The following PLA2G2E variants were observed in gnomAD, a reference collection of about 807,000 sequenced individuals.
PLA2G2E encodes the protein phospholipase A2 group IIE.
PLA2G2E carries 14 observed loss-of-function variants against 16.5 expected under a neutral mutation model. That is an observed-to-expected ratio of 0.85 (90% CI 0.56 to 1.33). The LOEUF (loss-of-function observed/expected upper bound fraction) is 1.33, where lower values mean the gene tolerates loss of function less well. Among genes scored for constraint, PLA2G2E ranks in the 40% most tolerant of loss-of-function variants. The probability of loss-of-function intolerance (pLI) is 0.00; values close to 1 mark genes in which losing one functional copy is unlikely to be tolerated. For synonymous variants in PLA2G2E, 72 were observed against 77.2 expected (o/e 0.93, Z 0.36); for missense variants, 174 against 190.7 (o/e 0.91, Z 0.52).
Position 19,920,737 on chromosome 1 carries a change from CCTAA to C in PLA2G2E, c.287-292_287-289del, listed in dbSNP as rs1006894000. ...CGGCCTTAGGGACACCACGTGGTTC[CCTAA>C]CTCTCACTGCCCCCGACCAGGGGGA... On this transcript the variant is annotated intron_variant, in intron 3 of 3. Coordinates refer to ENST00000375116, the MANE Select transcript of PLA2G2E (RefSeq NM_014589.3). The surrounding 1 kb of genome is among the most constrained non-coding windows in gnomAD (Gnocchi z 4.3). Among the ~76,000 whole-genome samples, 7 of 152,152 alleles carry C rather than the reference CCTAA, an allele frequency of 4.6e-5. No homozygotes were observed. Among genetic ancestry groups the C allele is most frequent in the Non-Finnish European group, 4.4e-5 (3 of 68,026 alleles).
rs1196721624 is a variant in PLA2G2E, at chr1:19,921,057, T to C, written c.287-608A>G. Reference sequence around the variant, plus strand: ...CTAGAGCCAGCTGGCATCAGCTCTGTAGGGGCCCAGAAGGCTCCTCCTGTC... The same window carrying C: ...CTAGAGCCAGCTGGCATCAGCTCTGCAGGGGCCCAGAAGGCTCCTCCTGTC... On this transcript the variant is annotated intron_variant, in intron 3 of 3. Coordinates refer to ENST00000375116, the MANE Select transcript of PLA2G2E (RefSeq NM_014589.3). Among the ~76,000 whole-genome samples the C allele has an allele frequency of 2.0e-5, 3 of 152,182 alleles. No homozygotes were observed. The East Asian group carries it at 5.8e-4, about 29-fold the overall frequency.
rs770433290 is a variant in PLA2G2E, at chr1:19,922,784, G to GGAGAGGGAGGGCCCCAC, written c.41-30_41-29insGTGGGGCCCTCCCTCTC. 29 of 1,611,138 alleles carry GGAGAGGGAGGGCCCCAC rather than the reference G, an allele frequency of 1.8e-5. No individual in the cohort carries two copies. In the African/African-American group the frequency reaches 2.5e-4, roughly 14 times the overall value. ...CAGAGAGGGAGAGGGAGAGGGAGAG[G>GGAGAGGGAGGGCCCCAC]GAGGGCCCCACCCTCTGCAGCCAAC... On this transcript the variant is annotated intron_variant, in intron 1 of 3. Transcript: ENST00000375116.
intron 1 of PLA2G2E, 44 bp downstream of exon 1, chr1:19,923,476 T>C: frequency 6.6e-7 from 1 of 1,518,642 alleles, no homozygotes; most frequent in Non-Finnish European, 8.9e-7. Context: ...GAGCTTGGGG[T>C]TGCCAGATGG....
chr1:19,920,292 A>T lies in PLA2G2E; in HGVS notation c.*15T>A. 2 of 1,601,726 alleles carry T rather than the reference A, an allele frequency of 1.2e-6. No homozygotes were observed. Among genetic ancestry groups the T allele is most frequent in the Non-Finnish European group, 1.7e-6 (2 of 1,172,786 alleles). ...GGCGGGACCTCCAGGGACGGGGGGG[A>T]GGCCGAGCATAGCCTCAGCAGGGCG... On this transcript the variant is annotated 3_prime_UTR_variant, in exon 4 of 4. Transcript: ENST00000375116. This position sits in a 1 kb window ranked among gnomAD's most constrained non-coding sequence, Gnocchi z 4.3.
At position 19,922,674 on chromosome 1, in the gene PLA2G2E, T is replaced by G. The variant is rs754163367; in HGVS notation, c.122A>C (p.Asp41Ala). The G allele has an allele frequency of 6.2e-7, 1 of 1,614,030 alleles. No individual in the cohort carries two copies. Among genetic ancestry groups the G allele is most frequent in the Non-Finnish European group, 8.5e-7 (1 of 1,179,982 alleles). ...MTGKSALQYNDYGCYCGIGGS... is the reference protein window; with the variant it reads ...MTGKSALQYNAYGCYCGIGGS... ...ACCGATGCCGCAGTAACAGCCATAG[T>G]CGTTGTACTGCAGGGCGGACTTGCC... The change falls in exon 2 of 4, where the codon GAC becomes GCC. Residue 41 changes from aspartate (D) to alanine (A), a missense_variant. Transcript: ENST00000375116.
chr1:19,920,350 T>C lies in PLA2G2E; in HGVS notation c.386A>G (p.His129Arg). 6.2e-7 allele frequency: 1 copy of C among 1,613,596 alleles called. No homozygotes were observed. Among genetic ancestry groups the C allele is most frequent in the Non-Finnish European group, 8.5e-7 (1 of 1,179,850 alleles). Residue 129 changes from histidine (H) to arginine (R), a missense_variant, in exon 4 of 4, where the codon CAT becomes CGT. Coordinates refer to ENST00000375116, the MANE Select transcript of PLA2G2E (RefSeq NM_014589.3). This position sits in a 1 kb window ranked among gnomAD's most constrained non-coding sequence, Gnocchi z 4.3. ...NLGTYNRKYA[H>R]YPNKLCTGPT... ...CCCGGTGCACAGCTTGTTGGGATAA[T>C]GGGCATATTTGCGGTTGTAGGTGCC...
intron 3 of PLA2G2E, among the ~76,000 whole-genome samples, chr1:19,921,869 T>A (rs911486603): frequency 5.3e-5 from 8 of 152,202 alleles, no homozygotes; most frequent in Non-Finnish European, 1.2e-4. Context: ...ACAGTCCCAT[T>A]GAGGAGTCAG....
rs559232898 is a variant in PLA2G2E, at chr1:19,922,313, G to C, written c.271C>G (p.Arg91Gly). 1 of 1,613,626 alleles carries C rather than the reference G, an allele frequency of 6.2e-7. No homozygotes were observed. The highest frequency in any genetic ancestry group is 1.3e-5 in the African/African-American group (1 of 75,042). The change falls in exon 3 of 4, where the codon CGT (arginine) becomes GGT (glycine). Residue 91 changes from arginine to glycine, a missense_variant. Arg to Gly is a moderately radical substitution (Grantham distance 125). Transcript: ENST00000375116. The part of the protein sequence containing the change: ...LEKYLFSVSE[R>G]GIFCAGRTTC... ...CTCCACCTACCGCAGAAAATGCCAC[G>C]TTCGCTGACAGAGAAAAGATACTTT... is the stretch of plus-strand genomic sequence containing the variant.
chr1:19,923,443 G>T, intron 1 of PLA2G2E, 77 bp downstream of exon 1: 1 of 1,282,408 alleles, frequency 7.8e-7, no homozygotes, highest in African/African-American at 1.5e-5. Flanking sequence ...CCCTCGGTAG[G>T]GCCAGGCTCA....
intron 3 of PLA2G2E, among the ~76,000 whole-genome samples, chr1:19,921,455 C>T (rs2045814567): frequency 1.3e-5 from 2 of 152,212 alleles, no homozygotes; most frequent in African/African-American, 4.8e-5. Context: ...TGTGTCTCCA[C>T]CCACCTGCCT....
chr1:19,923,143 C>G (rs1220921983), intron 1 of PLA2G2E, among the ~76,000 whole-genome samples: 1 of 152,246 alleles, frequency 6.6e-6, no homozygotes, highest in Non-Finnish European at 1.5e-5. Flanking sequence ...GACCTGTCTC[C>G]TGACCACCTC....
Position 19,920,551 on chromosome 1 carries a change from AT to A in PLA2G2E, c.287-103del. 8.4e-7 allele frequency: 1 copy of A among 1,192,200 alleles called. No individual in the cohort carries two copies. The highest frequency in any genetic ancestry group is 1.2e-6 in the Non-Finnish European group (1 of 848,164). The allele number at this position is 1,192,200 out of a possible 1,614,324, so 73.9% of individuals were successfully genotyped here. A position where few individuals can be genotyped will look rare whatever the true frequency, so the allele number is the denominator to read the frequency against. On this transcript the variant is annotated intron_variant, in intron 3 of 3. Coordinates refer to ENST00000375116, the MANE Select transcript of PLA2G2E (RefSeq NM_014589.3). This position sits in a 1 kb window ranked among gnomAD's most constrained non-coding sequence, Gnocchi z 4.3. Reference sequence around the variant, plus strand: ...CACGTTCTTGACCTGGACCAACTCCATTCTGATGGAAGCCCAAGCTCCCGGG... The same window carrying A: ...CACGTTCTTGACCTGGACCAACTCCATCTGATGGAAGCCCAAGCTCCCGGG...
chr1:19,922,924 T>C (rs1439918346), intron 1 of PLA2G2E, among the ~76,000 whole-genome samples, 169 bp from the exon 2 acceptor site: 10 of 152,134 alleles, frequency 6.6e-5, no homozygotes, highest in Admixed American at 2.6e-4. Context: ...GTAATAATAT[T>C]GCCAGTGACA....
At position 19,922,768 on chromosome 1, in the gene PLA2G2E, A is replaced by AGAGGGAGAGGGAGAGGGAGG; in HGVS notation, c.41-33_41-14dup. 6.2e-7 allele frequency: 1 copy of AGAGGGAGAGGGAGAGGGAGG among 1,612,454 alleles called. No homozygotes were observed. The highest frequency in any genetic ancestry group is 8.5e-7 in the Non-Finnish European group (1 of 1,179,524). ...GTGACCAGAGCCACTGCAGAGAGGG[A>AGAGGGAGAGGGAGAGGGAGG]GAGGGAGAGGGAGAGGGAGGGCCCC... On this transcript the variant is annotated splice_polypyrimidine_tract_variant and intron_variant, in intron 1 of 3. Transcript: ENST00000375116.
rs923095067 is a variant in PLA2G2E at position 19,920,966 on chromosome 1, G to T, written c.287-517C>A. Among the ~76,000 whole-genome samples the T allele has an allele frequency of 2.0e-5, 3 of 152,218 alleles. No individual in the cohort carries two copies. Among genetic ancestry groups the T allele is most frequent in the Admixed American group, 2.0e-4 (3 of 15,286 alleles). On this transcript the variant is annotated intron_variant, in intron 3 of 3. Transcript: ENST00000375116. The surrounding 1 kb of genome is among the most constrained non-coding windows in gnomAD (Gnocchi z 4.3). ...GCCCTCTGCCTGTCCTCATCAGAGT[G>T]GACAGAGCCCAGTTTTCTGCCCATA...
rs1299423673 is a variant in PLA2G2E, at chr1:19,922,361, G to T, written c.223C>A (p.Leu75Met). Reference protein sequence around the residue: ...HDCCYGRLEKLGCEPKLEKYL... With the variant: ...HDCCYGRLEKMGCEPKLEKYL... Reference sequence around the variant, plus strand: ...TTTTCCAGTTTGGGCTCACAGCCCAGCTTCTCCAGACGCCCGTAGCAGCAG... The same window carrying T: ...TTTTCCAGTTTGGGCTCACAGCCCATCTTCTCCAGACGCCCGTAGCAGCAG... Residue 75 changes from leucine to methionine, a missense_variant, in exon 3 of 4, where the codon CTG becomes ATG. By Grantham distance (15) the Leu-to-Met change is conservative. Coordinates refer to ENST00000375116, the MANE Select transcript of PLA2G2E (RefSeq NM_014589.3). 1 of 1,614,090 alleles carries T rather than the reference G, an allele frequency of 6.2e-7. No homozygotes were observed. The highest frequency in any genetic ancestry group is 2.2e-5 in the East Asian group (1 of 44,864).
intron 3 of PLA2G2E, among the ~76,000 whole-genome samples, chr1:19,921,801 G>C (rs2045818371): frequency 6.6e-6 from 1 of 152,246 alleles, no homozygotes; most frequent in Non-Finnish European, 1.5e-5. Context: ...CTGAAGGAAA[G>C]CTAATTGGTC....
Position 19,920,391 on chromosome 1 carries a change from G to A in PLA2G2E, c.345C>T (p.Cys115=). 6.2e-7 allele frequency: 1 copy of A among 1,613,910 alleles called. No homozygotes were observed. Among genetic ancestry groups the A allele is most frequent in the South Asian group, 1.1e-5 (1 of 91,070 alleles). ...TCECDKRAAL[C]FRRNLGTYNR... Reference sequence around the variant, plus strand: ...TGTAGGTGCCCAGGTTGCGGCGAAAGCAGAGGGCAGCCCTCTTGTCACACT... The same window carrying A: ...TGTAGGTGCCCAGGTTGCGGCGAAAACAGAGGGCAGCCCTCTTGTCACACT... Residue 115 remains cysteine, a synonymous_variant, in exon 4 of 4, where the codon TGC becomes TGT. Transcript: ENST00000375116. This position sits in a 1 kb window ranked among gnomAD's most constrained non-coding sequence, Gnocchi z 4.3.
At chr1:19,922,443 C>T (rs1276774822) in intron 2 of PLA2G2E, 39 bp from the exon 3 acceptor site, 2 of 1,593,034 alleles carry the variant, frequency 1.3e-6, no homozygotes. Context: ...ACCTGTGAGC[C>T]AGGCTGGGCT....
Sources: allele counts gnomAD v4.1 joint callset (sites outside exome capture counted in the v4.1 genomes callset), GRCh38; gene constraint gnomAD v4.1.1; non-coding constraint Gnocchi (gnomAD v3.1); transcripts MANE v1.5; gene names NCBI Gene and HGNC (gene_info 2026-07-23, HGNC 2026-07-21).